Variants in ST6GAL2 observed in about 807,000 individuals in gnomAD.
The protein encoded by ST6GAL2 is beta-galactoside alpha-2,6-sialyltransferase 2.
A neutral mutation model predicts 37.5 loss-of-function variants in ST6GAL2; 24 were observed. The ratio of observed to expected loss-of-function variants is 0.64; its 90% CI spans 0.46 to 0.90. The LOEUF (loss-of-function observed/expected upper bound fraction) is 0.90, where lower values mean the gene tolerates loss of function less well. Among genes scored for constraint, ST6GAL2 ranks in the 40% least tolerant of loss-of-function variants. The pLI is 0.00. For missense variants in ST6GAL2, 715 were observed against 712.7 expected (o/e 1.00, Z -0.04); for synonymous variants, 306 against 295.1 (o/e 1.04, Z -0.38).
At chr2:106,884,905 G>GTA (rs1678898768) in intron 1 of ST6GAL2, among the ~76,000 whole-genome samples, 1 of 32,942 alleles carries the variant, frequency 3.0e-5, no homozygotes, top group Non-Finnish European at 5.3e-5. Flanking sequence ...AATTTGCAGC[G>GTA]CATATATATA....
rs1425070594 is a variant in ST6GAL2, at chr2:106,884,934, T to TATATATATATATATATATAC, written c.-58+1158_-58+1159insGTATATATATATATATATAT. 1.9e-3 allele frequency among the ~76,000 whole-genome samples: 229 copies of TATATATATATATATATATAC among 120,372 alleles called. 6 individuals carry two copies. Among genetic ancestry groups the TATATATATATATATATATAC allele is most frequent in the Non-Finnish European group, 2.7e-3 (162 of 60,556 alleles). The allele number at this position is 120,372 out of a possible 152,430, so 79.0% of individuals were successfully genotyped here. ...ATATATATATATATATATATATATA[T>TATATATATATATATATATAC]ACATACACACACACACATATATACA... On this transcript the variant is annotated intron_variant, in intron 1 of 5. Coordinates refer to ENST00000409382, the MANE Select transcript of ST6GAL2 (RefSeq NM_001142351.2).
chr2:106,803,623 A>G lies in ST6GAL2; in HGVS notation c.*3055T>C, dbSNP rs1675327044. On this transcript the variant is annotated 3_prime_UTR_variant, in exon 6 of 6. Coordinates refer to ENST00000409382, the MANE Select transcript of ST6GAL2 (RefSeq NM_001142351.2). ...AATTTGTTTCTTTGTAACAACAACA[A>G]CAACAACAACAACAACAACAACAAC... The G allele has an allele frequency of 6.7e-6, 1 of 149,676 alleles. No homozygotes were observed. Among genetic ancestry groups the G allele is most frequent in the South Asian group, 2.1e-4 (1 of 4,754 alleles). 9.3% of individuals were successfully genotyped at this position (149,676 alleles called of 1,614,324 possible). A position where few individuals can be genotyped will look rare whatever the true frequency, so the allele number is the denominator to read the frequency against.
intron 1 of ST6GAL2, among the ~76,000 whole-genome samples, chr2:106,858,838 C>A (rs562208328): frequency 6.6e-6 from 1 of 152,112 alleles, no homozygotes; most frequent in African/African-American, 2.4e-5. Context: ...CCCCACCCCA[C>A]TGGAAATGGA....
chr2:106,811,500 T>C (rs1281569463), intron 5 of ST6GAL2, among the ~76,000 whole-genome samples: 4 of 152,166 alleles, frequency 2.6e-5, no homozygotes, highest in African/African-American at 4.8e-5. Context: ...GTACTAATCA[T>C]TGGCAATTTA....
chr2:106,874,939 T>C lies in ST6GAL2; in HGVS notation c.-58+11154A>G, dbSNP rs116212940. On this transcript the variant is annotated intron_variant, in intron 1 of 5. Coordinates refer to ENST00000409382, the MANE Select transcript of ST6GAL2 (RefSeq NM_001142351.2). ...TTAGAACCTTAACGCTGTGTCAACTTTGGCTGCCAAATATGCAGCTCCATA... is the reference window on the plus strand; with the variant it reads ...TTAGAACCTTAACGCTGTGTCAACTCTGGCTGCCAAATATGCAGCTCCATA... Among the ~76,000 whole-genome samples the C allele has an allele frequency of 7.4e-3, 1,132 of 152,320 alleles. 16 individuals are homozygous for C. The highest frequency in any genetic ancestry group is 0.026 in the African/African-American group (1,064 of 41,570).
At chr2:106,842,977 GC>G in intron 2 of ST6GAL2, 57 bp downstream of exon 2, 1 of 1,252,756 alleles carries the variant, frequency 8.0e-7, no homozygotes, top group Non-Finnish European at 1.0e-6. Context: ...GAAAGAACCG[GC>G]CCCCAGGGAC....
At chr2:106,825,932 G>A (rs562010023) in intron 5 of ST6GAL2, among the ~76,000 whole-genome samples, 63 of 152,064 alleles carry the variant, frequency 4.1e-4, no homozygotes, top group Non-Finnish European at 7.8e-4. Context: ...GGATTCAGGC[G>A]CCAGTAACAA....
chr2:106,861,472 G>C (rs1041465929), intron 1 of ST6GAL2, among the ~76,000 whole-genome samples: 2 of 152,138 alleles, frequency 1.3e-5, no homozygotes. Context: ...CACTGTGCTA[G>C]ATGGTGGGGA....
At chr2:106,814,041 T>C (rs1675708276) in intron 5 of ST6GAL2, among the ~76,000 whole-genome samples, 1 of 152,206 alleles carries the variant, frequency 6.6e-6, no homozygotes, top group African/African-American at 2.4e-5. Context: ...AGAAAATATT[T>C]GTAACTAAAA....
intron 5 of ST6GAL2, among the ~76,000 whole-genome samples, chr2:106,808,338 G>C (rs1442082141): frequency 1.3e-5 from 2 of 152,216 alleles, no homozygotes; most frequent in East Asian, 3.9e-4. Flanking sequence ...AGGATAGCTT[G>C]TGTAGTAGAT....
chr2:106,884,912 T>TATATATATATATATAC (rs1678902098), intron 1 of ST6GAL2, among the ~76,000 whole-genome samples: 1 of 112,688 alleles, frequency 8.9e-6, no homozygotes. Flanking sequence ...AGCGCATATA[T>TATATATATATATATAC]ATATATATAT....
chr2:106,810,862 G>A (rs766936110), intron 5 of ST6GAL2, among the ~76,000 whole-genome samples: 34 of 152,260 alleles, frequency 2.2e-4, no homozygotes, highest in Middle Eastern at 6.8e-3. Flanking sequence ...TGAGGTGGCA[G>A]GATCACCTTA....
At chr2:106,823,487 A>ACACACAC (rs1676084970) in intron 5 of ST6GAL2, among the ~76,000 whole-genome samples, 1 of 88,632 alleles carries the variant, frequency 1.1e-5, no homozygotes, top group Non-Finnish European at 2.3e-5. Flanking sequence ...ACACACACAC[A>ACACACAC]GAGAGAGAGA....
intron 5 of ST6GAL2, among the ~76,000 whole-genome samples, chr2:106,828,921 G>T (rs911442388): frequency 3.3e-5 from 5 of 152,122 alleles, no homozygotes; most frequent in African/African-American, 1.2e-4. Context: ...GAGGATCAAA[G>T]CTAGACTGGA....
chr2:106,840,419 G>A (rs1455929654), intron 2 of ST6GAL2, among the ~76,000 whole-genome samples: 1 of 152,208 alleles, frequency 6.6e-6, no homozygotes, highest in Non-Finnish European at 1.5e-5. Context: ...CATGTACACT[G>A]CTGATGCTGA....
intron 1 of ST6GAL2, among the ~76,000 whole-genome samples, chr2:106,874,603 A>G: frequency 6.6e-6 from 1 of 152,124 alleles, no homozygotes; most frequent in East Asian, 1.9e-4. Context: ...GTGTATGGAG[A>G]CATCTGTAAA....
intron 5 of ST6GAL2, among the ~76,000 whole-genome samples, chr2:106,818,856 T>C (rs1675900054): frequency 6.6e-6 from 1 of 151,674 alleles, no homozygotes; most frequent in Admixed American, 6.6e-5. Flanking sequence ...AAAGAAGAAA[T>C]TCAGAATCCT....
At chr2:106,859,438 T>C (rs1488427423) in intron 1 of ST6GAL2, among the ~76,000 whole-genome samples, 3 of 152,216 alleles carry the variant, frequency 2.0e-5, no homozygotes, top group South Asian at 2.1e-4. Context: ...CTATGTGATA[T>C]CGCCACTTAA....
At position 106,832,277 on chromosome 2, in the gene ST6GAL2, C is replaced by T. The variant is rs148892471; in HGVS notation, c.1143+288G>A. ...ACAATTCTGAGTTTAATCAGTCAAC[C>T]CTTTAGTGTAACTAGAAATTTCTGA... is the stretch of plus-strand genomic sequence containing the variant. On this transcript the variant is annotated intron_variant, in intron 4 of 5. Coordinates refer to ENST00000409382, the MANE Select transcript of ST6GAL2 (RefSeq NM_001142351.2). 1.0e-3 allele frequency among the ~76,000 whole-genome samples: 158 copies of T among 152,246 alleles called. 1 individual carries two copies. The highest frequency in any genetic ancestry group is 1.5e-3 in the African/African-American group (64 of 41,544).
Sources: allele counts gnomAD v4.1 joint callset (sites outside exome capture counted in the v4.1 genomes callset), GRCh38; gene constraint gnomAD v4.1.1; transcripts MANE v1.5; gene names NCBI Gene and HGNC (gene_info 2026-07-23, HGNC 2026-07-21).